MLLT3: variants seen among roughly 807,000 people sequenced by gnomAD.
The protein encoded by MLLT3 is MLLT3 super elongation complex subunit.
A neutral mutation model predicts 53.2 loss-of-function variants in MLLT3; 4 were observed. The observed-to-expected ratio is 0.08, with a 90% CI of 0.04 to 0.17. The LOEUF (loss-of-function observed/expected upper bound fraction) is 0.17. Ranked by LOEUF, MLLT3 falls within the 10% of genes least tolerant of loss-of-function variation. The probability of loss-of-function intolerance (pLI) is 1.00; values close to 1 mark genes in which losing one functional copy is unlikely to be tolerated. For synonymous variants in MLLT3, 283 were observed against 230.6 expected (o/e 1.23, Z -2.06); for missense variants, 569 against 684.0 (o/e 0.83, Z 1.87).
At chr9:20,492,400 A>T (rs1313197052) in intron 2 of MLLT3, among the ~76,000 whole-genome samples, 1 of 151,958 alleles carries the variant, frequency 6.6e-6, no homozygotes, top group Non-Finnish European at 1.5e-5. Flanking sequence ...CATTTCAAGG[A>T]TGTTCATTTT....
intron 2 of MLLT3, among the ~76,000 whole-genome samples, chr9:20,579,382 GA>G (rs921626738): frequency 5.5e-5 from 8 of 146,560 alleles, no homozygotes; most frequent in Non-Finnish European, 7.5e-5. Context: ...CTATTAAAAA[GA>G]AAAAAAAATT....
intron 7 of MLLT3, 72 bp from the exon 8 acceptor site, chr9:20,360,913 G>T: frequency 7.5e-7 from 1 of 1,331,072 alleles, no homozygotes; most frequent in Non-Finnish European, 1.1e-6. Context: ...AGAAATAGGC[G>T]TGGAAAGCAC....
At chr9:20,507,534 C>T (rs991181410) in intron 2 of MLLT3, among the ~76,000 whole-genome samples, 1 of 152,152 alleles carries the variant, frequency 6.6e-6, no homozygotes, top group African/African-American at 2.4e-5. Flanking sequence ...TAGGTTTCCT[C>T]CTTTCTTCCC....
chr9:20,622,233 G>A lies in MLLT3; in HGVS notation c.12+12C>T. 1 of 1,603,202 alleles carries A rather than the reference G, an allele frequency of 6.2e-7. No individual in the cohort carries two copies. The highest frequency in any genetic ancestry group is 8.5e-7 in the Non-Finnish European group (1 of 1,174,012). On this transcript the variant is annotated intron_variant, in intron 1 of 10. Transcript: ENST00000380338. ...GGGGAGGGCTTTTATTATTATTTTT[G>A]CGCGTACTTACCGAGCTAGCCATGC...
chr9:20,453,397 C>A (rs973463607), intron 3 of MLLT3, among the ~76,000 whole-genome samples: 1 of 152,018 alleles, frequency 6.6e-6, no homozygotes, highest in African/African-American at 2.4e-5. Flanking sequence ...CCTGTCTCTA[C>A]AAAAATTACA....
intron 2 of MLLT3, among the ~76,000 whole-genome samples, chr9:20,552,962 G>C (rs2119030327): frequency 6.6e-6 from 1 of 152,030 alleles, no homozygotes; most frequent in African/African-American, 2.4e-5. Flanking sequence ...TTTGTCTCAT[G>C]AAAATTCAAA....
intron 5 of MLLT3, among the ~76,000 whole-genome samples, chr9:20,401,094 C>T (rs565627628): frequency 3.3e-5 from 5 of 152,020 alleles, no homozygotes; most frequent in African/African-American, 1.2e-4. Flanking sequence ...TTGGAGCAAA[C>T]CTGATAAGGA....
intron 2 of MLLT3, among the ~76,000 whole-genome samples, chr9:20,474,390 T>C (rs571775386): frequency 6.6e-6 from 1 of 152,252 alleles, no homozygotes; most frequent in South Asian, 2.1e-4. Flanking sequence ...ACATTTTCAA[T>C]GACTAGCTGA....
At chr9:20,543,401 G>C (rs1818694461) in intron 2 of MLLT3, among the ~76,000 whole-genome samples, 1 of 152,112 alleles carries the variant, frequency 6.6e-6, no homozygotes, top group Non-Finnish European at 1.5e-5. Context: ...GTCTTACATG[G>C]GTATGGCTTA....
At chr9:20,349,360 T>A (rs1304633156) in intron 10 of MLLT3, among the ~76,000 whole-genome samples, 1 of 152,220 alleles carries the variant, frequency 6.6e-6, no homozygotes, top group African/African-American at 2.4e-5. Flanking sequence ...AACATGATTA[T>A]GATTACCTTA....
intron 2 of MLLT3, among the ~76,000 whole-genome samples, chr9:20,559,895 G>T (rs1437546002): frequency 1.3e-5 from 2 of 152,168 alleles, no homozygotes; most frequent in Non-Finnish European, 1.5e-5. Flanking sequence ...ACAGAAGCAA[G>T]TGACTATGTT....
rs992155754 is a variant in MLLT3 at position 20,414,384 on chromosome 9, G to A, written c.462C>T (p.Ser154=). 3.1e-6 allele frequency: 5 copies of A among 1,607,094 alleles called. No individual in the cohort carries two copies. Among genetic ancestry groups the A allele is most frequent in the African/African-American group, 1.3e-5 (1 of 74,692 alleles). The part of the protein sequence containing the change: ...RSIHTSSSSS[S]SSSSSSSSSS... Reference sequence around the variant, plus strand: ...TGCTGCTGCTGCTGCTGCTACTGCTGCTGCTGCTGCTGCTGCTGGTATGAA... The same window carrying A: ...TGCTGCTGCTGCTGCTGCTACTGCTACTGCTGCTGCTGCTGCTGGTATGAA... Residue 154 remains serine (S), a synonymous_variant, in exon 5 of 11, where the codon AGC becomes AGT. Transcript: ENST00000380338.
At chr9:20,597,613 G>C (rs1370875031) in intron 2 of MLLT3, among the ~76,000 whole-genome samples, 1 of 152,048 alleles carries the variant, frequency 6.6e-6, no homozygotes, top group African/African-American at 2.4e-5. Flanking sequence ...TAACTCTTCT[G>C]AACACCAGTA....
At chr9:20,489,692 T>G (rs184017432) in intron 2 of MLLT3, among the ~76,000 whole-genome samples, 1 of 152,320 alleles carries the variant, frequency 6.6e-6, no homozygotes, top group East Asian at 1.9e-4. Flanking sequence ...CAACATATCC[T>G]GAAAAAGCAC....
At chr9:20,505,581 T>C (rs1007213635) in intron 2 of MLLT3, among the ~76,000 whole-genome samples, 3 of 152,316 alleles carry the variant, frequency 2.0e-5, no homozygotes, top group Middle Eastern at 3.4e-3. Context: ...GCCTATAAGT[T>C]CTAAAATAAA....
chr9:20,536,850 G>GAA (rs533826972), intron 2 of MLLT3, among the ~76,000 whole-genome samples: 91 of 117,848 alleles, frequency 7.7e-4, no homozygotes, highest in Non-Finnish European at 4.9e-4. Context: ...TGTTTAACTA[G>GAA]AAAAAAAAAA....
At chr9:20,394,488 G>A (rs1822268800) in intron 5 of MLLT3, among the ~76,000 whole-genome samples, 1 of 152,120 alleles carries the variant, frequency 6.6e-6, no homozygotes, top group South Asian at 2.1e-4. Flanking sequence ...CAGTAAGGAG[G>A]GGGCATTAGG....
chr9:20,588,673 G>T (rs1243126712), intron 2 of MLLT3, among the ~76,000 whole-genome samples: 2 of 152,158 alleles, frequency 1.3e-5, no homozygotes, highest in Non-Finnish European at 2.9e-5. Flanking sequence ...GAATGCCTGT[G>T]ATTTTTGCAC....
rs1821045144 is a variant in MLLT3, at chr9:20,622,320, A to G, written c.-64T>C. 1 of 1,379,132 alleles carries G rather than the reference A, an allele frequency of 7.3e-7. No individual in the cohort carries two copies. Among genetic ancestry groups the G allele is most frequent in the Non-Finnish European group, 9.8e-7 (1 of 1,019,062 alleles). The allele number at this position is 1,379,132 out of a possible 1,614,324, so 85.4% of individuals were successfully genotyped here. A position where few individuals can be genotyped will look rare whatever the true frequency, so the allele number is the denominator to read the frequency against. The stretch of plus-strand genomic sequence containing the variant: ...ACCCCCCCCTCCTCCGCCCCCCCTC[A>G]GCTGTAATTCATGAAGAGGCTGCTA... On this transcript the variant is annotated 5_prime_UTR_variant, in exon 1 of 11. An upstream open reading frame in the 5' UTR loses its in-frame stop. Transcript: ENST00000380338.
Sources: gnomAD v4.1 joint callset for allele counts (sites outside exome capture counted in the v4.1 genomes callset) on GRCh38, gnomAD v4.1.1 for gene constraint, MANE v1.5 for transcripts, NCBI Gene and HGNC (gene_info 2026-07-23, HGNC 2026-07-21) for gene names.